The following BCO2 variants were observed in gnomAD, a reference collection of about 807,000 sequenced individuals.
BCO2 encodes the protein beta-carotene oxygenase 2, also known as carotenoid-cleaving dioxygenase, mitochondrial.
BCO2 carries 56 observed loss-of-function variants against 65.8 expected under a neutral mutation model. That is an observed-to-expected ratio of 0.85 (90% CI 0.69 to 1.06). The LOEUF is 1.06. Among genes scored for constraint, BCO2 ranks in the 50% least tolerant of loss-of-function variants. BCO2 has a pLI of 0.00. For synonymous variants in BCO2, 233 were observed against 242.3 expected, an observed-to-expected ratio of 0.96 and a Z score of 0.36; for missense variants, 675 against 698.5, an observed-to-expected ratio of 0.97 and a Z score of 0.38.
chr11:112,186,627 G>C lies in BCO2; in HGVS notation c.294-6847G>C, dbSNP rs563666084. 5.9e-5 allele frequency among the ~76,000 whole-genome samples: 9 copies of C among 152,322 alleles called. No homozygotes were observed. In the South Asian group the frequency reaches 1.7e-3, roughly 28 times the overall value. On this transcript the variant is annotated intron_variant, in intron 2 of 11. Transcript: ENST00000357685. ...CATGTCAGCATGCAGACACAGTGATGACATGCCAAAGGTCTATCTTCAATT... is the reference window on the plus strand; with the variant it reads ...CATGTCAGCATGCAGACACAGTGATCACATGCCAAAGGTCTATCTTCAATT...
At chr11:112,182,750 G>A in intron 2 of BCO2, 2 of 558,040 alleles carry the variant, frequency 3.6e-6, no homozygotes, top group African/African-American at 1.9e-5. Flanking sequence ...TATACCTAAT[G>A]TAAATGATGA....
intron 2 of BCO2, chr11:112,182,967 G>C: frequency 9.1e-7 from 1 of 1,097,266 alleles, no homozygotes; most frequent in Non-Finnish European, 1.4e-6. Flanking sequence ...TGTAGATATG[G>C]AAGGAAGTCA....
chr11:112,191,161 A>G (rs978982861), intron 2 of BCO2, among the ~76,000 whole-genome samples: 1 of 151,772 alleles, frequency 6.6e-6, no homozygotes, highest in East Asian at 1.9e-4. Flanking sequence ...GACATTGACC[A>G]GAGACACAAG....
intron 8 of BCO2, among the ~76,000 whole-genome samples, chr11:112,204,007 A>G (rs1435205283): frequency 6.6e-6 from 1 of 151,818 alleles, no homozygotes; most frequent in East Asian, 1.9e-4. Flanking sequence ...GCACATACCA[A>G]CATGTCTGGC....
chr11:112,175,525 C>G lies in BCO2; in HGVS notation c.-77C>G. On this transcript the variant is annotated 5_prime_UTR_variant, in exon 1 of 12. Coordinates refer to ENST00000357685, the MANE Select transcript of BCO2 (RefSeq NM_031938.7). ...GAGGGACAGTCCAGGCAGTTCTGTG[C>G]GTGTTCACTGTTTAGTAGTACTCAA... 2 of 1,038,528 alleles carry G rather than the reference C, an allele frequency of 1.9e-6. No homozygotes were observed. The highest frequency in any genetic ancestry group is 2.6e-5 in the South Asian group (2 of 75,692). The allele number at this position is 1,038,528 out of a possible 1,614,324, so 64.3% of individuals were successfully genotyped here.
chr11:112,214,440 C>T (rs970046213), intron 9 of BCO2, among the ~76,000 whole-genome samples: 10 of 152,134 alleles, frequency 6.6e-5, no homozygotes, highest in East Asian at 1.9e-4. Context: ...TGAGCCACCG[C>T]GTCCAGCTGC....
chr11:112,215,571 T>A (rs1859647583), intron 10 of BCO2: 1 of 153,446 alleles, frequency 6.5e-6, no homozygotes, highest in Non-Finnish European at 1.4e-5. Flanking sequence ...TAGCTGGGCG[T>A]GGTGGCACAT....
intron 2 of BCO2, among the ~76,000 whole-genome samples, chr11:112,180,555 C>T (rs1867008829): frequency 6.6e-6 from 1 of 152,130 alleles, no homozygotes; most frequent in Non-Finnish European, 1.5e-5. Context: ...AAAACCCAGG[C>T]AGGCTGAGGA....
Position 112,202,167 on chromosome 11 carries a change from A to G in BCO2, c.1171A>G (p.Lys391Glu). 6.2e-7 allele frequency: 1 copy of G among 1,612,258 alleles called. No individual in the cohort carries two copies. ...LEVYQLQNLR[K>E]AGEGLDQVHN... ...AGTTTACCAGTTACAGAATCTCAGG[A>G]AGGCTGGGGAAGGGCTTGATCAGGT... The change falls in exon 8 of 12, where the codon AAG becomes GAG. Residue 391 changes from lysine to glutamate, a missense_variant. Lys to Glu is a moderately conservative substitution (Grantham distance 56, BLOSUM62 1). Coordinates refer to ENST00000357685, the MANE Select transcript of BCO2 (RefSeq NM_031938.7).
intron 5 of BCO2, 118 bp downstream of exon 5, chr11:112,194,873 C>A: frequency 1.7e-6 from 1 of 599,558 alleles, no homozygotes; most frequent in South Asian, 2.3e-5. Context: ...GTGCTCTGGA[C>A]ACCTCTACAC....
chr11:112,185,839 A>G (rs1867184881), intron 2 of BCO2, among the ~76,000 whole-genome samples: 1 of 152,236 alleles, frequency 6.6e-6, no homozygotes, highest in Non-Finnish European at 1.5e-5. Flanking sequence ...AAGTAGATTC[A>G]TACGATTGTG....
At chr11:112,185,691 C>A (rs538274504) in intron 2 of BCO2, among the ~76,000 whole-genome samples, 1 of 152,152 alleles carries the variant, frequency 6.6e-6, no homozygotes, top group African/African-American at 2.4e-5. Flanking sequence ...ATGTTGCTAC[C>A]AAGTCTGAAC....
intron 8 of BCO2, among the ~76,000 whole-genome samples, chr11:112,210,631 A>G (rs945431704): frequency 1.3e-5 from 2 of 152,118 alleles, no homozygotes; most frequent in African/African-American, 4.8e-5. Context: ...GTGAGTTGCT[A>G]TGGCTATACC....
At chr11:112,212,942 A>G (rs1027862437) in intron 8 of BCO2, among the ~76,000 whole-genome samples, 8 of 152,120 alleles carry the variant, frequency 5.3e-5, no homozygotes, top group Non-Finnish European at 1.0e-4. Context: ...AACCAGCCCA[A>G]GGTCAGTCAT....
chr11:112,214,612 G>T, intron 9 of BCO2, 150 bp from the exon 10 acceptor site: 1 of 617,518 alleles, frequency 1.6e-6, no homozygotes, highest in Non-Finnish European at 2.8e-6. Context: ...ACATATGATG[G>T]AAAGAGGAAC....
intron 9 of BCO2, 30 bp downstream of exon 9, chr11:112,213,891 C>T: frequency 6.9e-7 from 1 of 1,450,326 alleles, no homozygotes; most frequent in East Asian, 2.3e-5. Flanking sequence ...TAGACTAAGA[C>T]TTTGAACTTT....
At chr11:112,185,464 A>T (rs1230923517) in intron 2 of BCO2, among the ~76,000 whole-genome samples, 5 of 152,220 alleles carry the variant, frequency 3.3e-5, no homozygotes, top group Non-Finnish European at 5.9e-5. Context: ...GAAACAATTT[A>T]TTATGAAAGT....
chr11:112,202,783 C>T (rs545626735), intron 8 of BCO2, among the ~76,000 whole-genome samples: 3 of 152,236 alleles, frequency 2.0e-5, no homozygotes, highest in Admixed American at 6.5e-5. Context: ...CGGTGGCTCA[C>T]GCTTGTAATC....
chr11:112,194,068 A>G, intron 4 of BCO2, 74 bp downstream of exon 4: 3 of 859,782 alleles, frequency 3.5e-6, no homozygotes, highest in Non-Finnish European at 5.7e-6. Flanking sequence ...TTTTTAGAGT[A>G]GTATATATCA....
Sources: allele counts gnomAD v4.1 joint callset (sites outside exome capture counted in the v4.1 genomes callset), GRCh38; gene constraint gnomAD v4.1.1; transcripts MANE v1.5; gene names NCBI Gene and HGNC (gene_info 2026-07-23, HGNC 2026-07-21).